ATP11A: variants seen among roughly 807,000 people sequenced by gnomAD.
ATP11A encodes the protein ATPase phospholipid transporting 11A.
In ATP11A, 81 loss-of-function variants were observed where a neutral mutation model predicts 154.4. The ratio of observed to expected loss-of-function variants is 0.52; its 90% CI spans 0.44 to 0.63. ATP11A has a LOEUF of 0.63. Among genes scored for constraint, ATP11A ranks in the 30% least tolerant of loss-of-function variants. ATP11A has a pLI of 0.00. For synonymous variants in ATP11A, 623 were observed against 585.9 expected, an observed-to-expected ratio of 1.06 and a Z score of -0.91; for missense variants, 1,316 against 1,474.3, an observed-to-expected ratio of 0.89 and a Z score of 1.76.
At chr13:112,829,435 A>G (rs990827748) in intron 12 of ATP11A, among the ~76,000 whole-genome samples, 1 of 152,242 alleles carries the variant, frequency 6.6e-6, no homozygotes, top group African/African-American at 2.4e-5. Flanking sequence ...AGTGTAGTGC[A>G]TTACGTCTGC....
chr13:112,696,633 C>A lies in ATP11A; in HGVS notation c.39+6178C>A, dbSNP rs1299564549. ...CTACCGTTTTTCTTAGGTTACCCCG[C>A]GTAGCTGGCCCGTCCTTCCTTCTCC... On this transcript the variant is annotated intron_variant, in intron 1 of 29. Transcript: ENST00000375645. The surrounding 1 kb of genome is among the most constrained non-coding windows in gnomAD (Gnocchi z 6.2). 6.6e-6 allele frequency among the ~76,000 whole-genome samples: 1 copy of A among 152,132 alleles called. No individual in the cohort carries two copies. The highest frequency in any genetic ancestry group is 1.5e-5 in the Non-Finnish European group (1 of 68,030).
intron 17 of ATP11A, among the ~76,000 whole-genome samples, chr13:112,842,948 G>A (rs2140295114): frequency 6.6e-6 from 1 of 152,378 alleles, no homozygotes; most frequent in South Asian, 2.1e-4. Context: ...TAGGGGGCCG[G>A]CCTGAGTGTC....
rs1453860461 is a variant in ATP11A at position 112,697,921 on chromosome 13, C to T, written c.39+7466C>T. Among the ~76,000 whole-genome samples the T allele has an allele frequency of 1.3e-5, 2 of 152,242 alleles. No individual in the cohort carries two copies. The highest frequency in any genetic ancestry group is 2.4e-5 in the African/African-American group (1 of 41,526). On this transcript the variant is annotated intron_variant, in intron 1 of 29. Transcript: ENST00000375645. This position sits in a 1 kb window ranked among gnomAD's most constrained non-coding sequence, Gnocchi z 4.0. Reference sequence around the variant, plus strand: ...ACGATGAGTTCCTAAGAACTAGACTCTGATCCCTGGAAACAACATGCCAAC... The same window carrying T: ...ACGATGAGTTCCTAAGAACTAGACTTTGATCCCTGGAAACAACATGCCAAC...
At chr13:112,800,737 G>A (rs922921937) in intron 2 of ATP11A, among the ~76,000 whole-genome samples, 13 of 152,122 alleles carry the variant, frequency 8.5e-5, no homozygotes, top group African/African-American at 2.7e-4. Context: ...GAACATAGAA[G>A]CAACGATTCT....
chr13:112,791,519 G>A (rs2077857228), intron 2 of ATP11A, among the ~76,000 whole-genome samples: 1 of 152,222 alleles, frequency 6.6e-6, no homozygotes, highest in Non-Finnish European at 1.5e-5. Flanking sequence ...CCCTGGCAGG[G>A]GCTGGCGGGA....
At position 112,836,578 on chromosome 13, in the gene ATP11A, C is replaced by T. The variant is rs112027665; in HGVS notation, c.1705+327C>T. On this transcript the variant is annotated intron_variant, in intron 16 of 29. Transcript: ENST00000375645. Reference sequence around the variant, plus strand: ...CCTCTGCCCATCCCTATCCCCCACCCGCTTTTCTCCATGCAGAGCTAAATG... The same window carrying T: ...CCTCTGCCCATCCCTATCCCCCACCTGCTTTTCTCCATGCAGAGCTAAATG... Among the ~76,000 whole-genome samples the T allele has an allele frequency of 8.9e-3, 1,351 of 152,284 alleles. 22 individuals carry two copies. The highest frequency in any genetic ancestry group is 0.03 in the African/African-American group (1,247 of 41,526).
At chr13:112,706,581 C>T (rs1032824420) in intron 1 of ATP11A, among the ~76,000 whole-genome samples, 1 of 152,142 alleles carries the variant, frequency 6.6e-6, no homozygotes, top group Admixed American at 6.5e-5. Flanking sequence ...CTTTTACTAT[C>T]TAAGAAATTA....
Position 112,883,460 on chromosome 13 carries a change from G to A in ATP11A, c.*1594G>A. ...CCGCCCCGCGCCACGCTGTGGAACG[G>A]GGCTCCGGCAAGTGAAACCCAGAGG... On this transcript the variant is annotated 3_prime_UTR_variant, in exon 30 of 30. Transcript: ENST00000375645. The A allele has an allele frequency of 2.8e-6, 1 of 359,290 alleles. No homozygotes were observed. The highest frequency in any genetic ancestry group is 5.0e-6 in the Non-Finnish European group (1 of 201,688). 22.3% of individuals were successfully genotyped at this position (359,290 alleles called of 1,614,324 possible).
chr13:112,747,124 G>C (rs544628824), intron 1 of ATP11A: 4 of 152,102 alleles, frequency 2.6e-5, no homozygotes, highest in Admixed American at 6.6e-5. Flanking sequence ...GGGATCACCC[G>C]TCTGCTCCGG....
chr13:112,835,003 C>A (rs2140263540), intron 15 of ATP11A, among the ~76,000 whole-genome samples: 1 of 152,380 alleles, frequency 6.6e-6, no homozygotes, highest in Admixed American at 6.5e-5. Context: ...TCTCCAGGCC[C>A]CTTTGCCTCC....
intron 6 of ATP11A, among the ~76,000 whole-genome samples, chr13:112,817,324 C>A (rs917244193): frequency 7.9e-5 from 12 of 152,210 alleles, no homozygotes; most frequent in Non-Finnish European, 1.8e-4. Flanking sequence ...ATATGCTAGT[C>A]TTTCATAGAT....
chr13:112,796,263 G>C (rs2077996252), intron 2 of ATP11A, among the ~76,000 whole-genome samples: 1 of 152,172 alleles, frequency 6.6e-6, no homozygotes, highest in Admixed American at 6.5e-5. Context: ...TAGTGTGGCA[G>C]GCAGAAGGAT....
At chr13:112,744,932 A>C (rs1891960750) in intron 1 of ATP11A, among the ~76,000 whole-genome samples, 1 of 152,262 alleles carries the variant, frequency 6.6e-6, no homozygotes, top group South Asian at 2.1e-4. Flanking sequence ...GTGATCATAC[A>C]TCTGGGAGTC....
chr13:112,769,462 C>T (rs1217270463), intron 1 of ATP11A, among the ~76,000 whole-genome samples: 1 of 152,216 alleles, frequency 6.6e-6, no homozygotes, highest in Non-Finnish European at 1.5e-5. Context: ...CTCTTTGCTG[C>T]GCTTCCTCTT....
In ATP11A at chr13:112,884,003, A is replaced by T. The variant is rs184011026; in HGVS notation, c.*2137A>T. On this transcript the variant is annotated 3_prime_UTR_variant, in exon 30 of 30. Transcript: ENST00000375645. Reference sequence around the variant, plus strand: ...TATATCTCTTTTATTCATTTATTTAACATACTGTCTAATTTTAAAAATAGG... The same window carrying T: ...TATATCTCTTTTATTCATTTATTTATCATACTGTCTAATTTTAAAAATAGG... 5 of 152,600 alleles carry T rather than the reference A, an allele frequency of 3.3e-5. No homozygotes were observed. The highest frequency in any genetic ancestry group is 9.6e-5 in the African/African-American group (4 of 41,572). 9.5% of individuals were successfully genotyped at this position (152,600 alleles called of 1,614,324 possible).
At chr13:112,823,203 A>G (rs936303435) in intron 8 of ATP11A, 142 bp from the exon 9 acceptor site, 23 of 682,714 alleles carry the variant, frequency 3.4e-5, no homozygotes, top group African/African-American at 2.9e-4. Flanking sequence ...TCATCTGAAT[A>G]TAAGCAAACC....
At chr13:112,826,979 AGC>A (rs2078950699) in intron 12 of ATP11A, 88 bp downstream of exon 12, 1 of 1,388,110 alleles carries the variant, frequency 7.2e-7, no homozygotes, top group South Asian at 1.2e-5. Context: ...CTGTCATCCG[AGC>A]GTGGCTGTAC....
intron 1 of ATP11A, among the ~76,000 whole-genome samples, chr13:112,732,096 C>T (rs572590871): frequency 3.9e-5 from 6 of 152,198 alleles, no homozygotes; most frequent in East Asian, 3.9e-4. Flanking sequence ...TCGGTCCTGT[C>T]GGGAAGTTGG....
intron 1 of ATP11A, among the ~76,000 whole-genome samples, chr13:112,727,203 A>G (rs1889976709): frequency 6.6e-6 from 1 of 152,088 alleles, no homozygotes; most frequent in African/African-American, 2.4e-5. Context: ...ATGTGCCACC[A>G]TGCCTGGCTA....
Sources: allele counts gnomAD v4.1 joint callset (sites outside exome capture counted in the v4.1 genomes callset), GRCh38; gene constraint gnomAD v4.1.1; non-coding constraint Gnocchi (gnomAD v3.1); transcripts MANE v1.5; gene names NCBI Gene and HGNC (gene_info 2026-07-23, HGNC 2026-07-21).